The following LRRTM4 variants were observed in gnomAD, a reference collection of about 807,000 sequenced individuals.
LRRTM4 encodes the protein leucine rich repeat transmembrane neuronal 4.
A neutral mutation model predicts 47.6 loss-of-function variants in LRRTM4; 25 were observed. That is an observed-to-expected ratio of 0.53 (90% CI 0.38 to 0.73). The LOEUF (loss-of-function observed/expected upper bound fraction) is 0.73, where lower values mean the gene tolerates loss of function less well. Ranked by LOEUF, LRRTM4 falls within the 30% of genes least tolerant of loss-of-function variation. The probability of loss-of-function intolerance (pLI) is 0.00; values close to 1 mark genes in which losing one functional copy is unlikely to be tolerated. For missense variants in LRRTM4, 638 were observed against 713.4 expected (o/e 0.89, Z 1.20); for synonymous variants, 311 against 269.5 (o/e 1.15, Z -1.51).
chr2:76,773,618 T>C (rs1673811554), intron 3 of LRRTM4, among the ~76,000 whole-genome samples: 1 of 151,630 alleles, frequency 6.6e-6, no homozygotes, highest in South Asian at 2.1e-4. Context: ...CAACTAAAAA[T>C]AAAAAATAAA....
At chr2:77,451,597 A>C (rs982721102) in intron 3 of LRRTM4, among the ~76,000 whole-genome samples, 6 of 152,208 alleles carry the variant, frequency 3.9e-5, no homozygotes, top group African/African-American at 1.2e-4. Flanking sequence ...CTATACTTGT[A>C]ATTCTCTTAA....
At chr2:77,366,878 GC>G (rs1384859102) in intron 3 of LRRTM4, among the ~76,000 whole-genome samples, 3 of 151,664 alleles carry the variant, frequency 2.0e-5, no homozygotes, top group Non-Finnish European at 2.9e-5. Context: ...TGGTCGTTTA[GC>G]CCCCCATCTG....
intron 3 of LRRTM4, among the ~76,000 whole-genome samples, chr2:77,308,024 TTATATATC>T (rs1243825044): frequency 2.1e-5 from 3 of 141,004 alleles, no homozygotes; most frequent in South Asian, 2.2e-4. Context: ...ATATTATATA[TTATATATC>T]TATATATCTA....
intron 3 of LRRTM4, among the ~76,000 whole-genome samples, chr2:77,411,618 A>ATTTTTTTTTTTTTTT (rs1222177148): frequency 1.4e-4 from 9 of 64,812 alleles, no homozygotes; most frequent in East Asian, 4.6e-4. Flanking sequence ...ATGCCCGGCT[A>ATTTTTTTTTTTTTTT]TTTTTTTTTT....
At chr2:77,487,305 G>C (rs1450076881) in intron 3 of LRRTM4, among the ~76,000 whole-genome samples, 1 of 152,208 alleles carries the variant, frequency 6.6e-6, no homozygotes, top group Non-Finnish European at 1.5e-5. Context: ...GCCTCTGCAG[G>C]CTTGAAAGTA....
chr2:77,378,607 G>A (rs1172853159), intron 3 of LRRTM4, among the ~76,000 whole-genome samples: 1 of 152,112 alleles, frequency 6.6e-6, no homozygotes, highest in Non-Finnish European at 1.5e-5. Flanking sequence ...GATACAATCT[G>A]TATTCTTTCA....
chr2:76,939,661 ATAAT>A lies in LRRTM4; in HGVS notation c.1552-190749_1552-190746del, dbSNP rs573202445. 5.1e-3 allele frequency among the ~76,000 whole-genome samples: 778 copies of A among 152,220 alleles called. 4 individuals carry two copies. The highest frequency in any genetic ancestry group is 0.028 in the South Asian group (135 of 4,818). On this transcript the variant is annotated intron_variant, in intron 3 of 3. Coordinates refer to ENST00000409884, the MANE Select transcript of LRRTM4 (RefSeq NM_001134745.3). ...CTTCTCTAATGACTATGCTAAATAA[ATAAT>A]TTTCATCTGACCCCAAATTAGCAGA... is the stretch of plus-strand genomic sequence containing the variant.
intron 3 of LRRTM4, among the ~76,000 whole-genome samples, chr2:77,113,361 T>C (rs756816373): frequency 6.6e-6 from 1 of 152,168 alleles, no homozygotes; most frequent in Non-Finnish European, 1.5e-5. Flanking sequence ...AGTAGGACCA[T>C]ACTGAGTACA....
At chr2:77,289,080 A>G (rs1354860104) in intron 3 of LRRTM4, among the ~76,000 whole-genome samples, 1 of 152,080 alleles carries the variant, frequency 6.6e-6, no homozygotes, top group Non-Finnish European at 1.5e-5. Context: ...TTAAATGTCT[A>G]TATGTATAGC....
intron 3 of LRRTM4, among the ~76,000 whole-genome samples, chr2:77,440,112 T>C (rs17014104): frequency 0.013 from 2,037 of 152,024 alleles, 35 homozygotes; most frequent in African/African-American, 0.047. Flanking sequence ...GGCCAAAGAA[T>C]GTATTAAAAA....
chr2:77,115,635 G>T (rs1671371597), intron 3 of LRRTM4, among the ~76,000 whole-genome samples: 1 of 152,164 alleles, frequency 6.6e-6, no homozygotes, highest in Non-Finnish European at 1.5e-5. Flanking sequence ...GTATAACAAA[G>T]TGGAACTTGG....
intron 3 of LRRTM4, among the ~76,000 whole-genome samples, chr2:77,325,548 C>T (rs918330992): frequency 1.3e-5 from 2 of 152,084 alleles, no homozygotes; most frequent in Admixed American, 6.6e-5. Context: ...TGTGAGAGAA[C>T]GGTCAAGACT....
chr2:77,404,570 A>T (rs1674101042), intron 3 of LRRTM4, among the ~76,000 whole-genome samples: 1 of 152,110 alleles, frequency 6.6e-6, no homozygotes. Context: ...GGACAGGAAA[A>T]TGCTGGGATA....
At chr2:76,969,373 A>T (rs557150492) in intron 3 of LRRTM4, among the ~76,000 whole-genome samples, 25 of 152,036 alleles carry the variant, frequency 1.6e-4, no homozygotes, top group Non-Finnish European at 2.8e-4. Context: ...AAAATTCAAG[A>T]AGTATGAACG....
intron 3 of LRRTM4, among the ~76,000 whole-genome samples, chr2:76,997,531 C>G (rs994922279): frequency 6.6e-6 from 1 of 152,082 alleles, no homozygotes; most frequent in Non-Finnish European, 1.5e-5. Flanking sequence ...TCCACCAAAG[C>G]TCAAACCAGT....
At chr2:76,869,563 A>T (rs7575858) in intron 3 of LRRTM4, among the ~76,000 whole-genome samples, 11,086 of 152,062 alleles carry the variant, frequency 0.073, 1,250 homozygotes, top group African/African-American at 0.24. Flanking sequence ...TGATTTTTTT[A>T]AAAAAAGTCA....
intron 3 of LRRTM4, among the ~76,000 whole-genome samples, chr2:76,945,434 T>C (rs1675290363): frequency 1.3e-5 from 2 of 152,052 alleles, no homozygotes; most frequent in Non-Finnish European, 1.5e-5. Flanking sequence ...TGGGGCAATA[T>C]TGGTGAAAAT....
At chr2:77,231,458 T>C (rs922865370) in intron 3 of LRRTM4, among the ~76,000 whole-genome samples, 9 of 152,302 alleles carry the variant, frequency 5.9e-5, no homozygotes, top group African/African-American at 2.2e-4. Flanking sequence ...TTTTTACAGA[T>C]CTTGGGCTAA....
chr2:77,394,598 G>A (rs1196128782), intron 3 of LRRTM4, among the ~76,000 whole-genome samples: 1 of 151,914 alleles, frequency 6.6e-6, no homozygotes, highest in African/African-American at 2.4e-5. Context: ...GATTTATACC[G>A]AACAGGTTGA....
Sources: allele counts gnomAD v4.1 joint callset (sites outside exome capture counted in the v4.1 genomes callset), GRCh38; gene constraint gnomAD v4.1.1; transcripts MANE v1.5; gene names NCBI Gene and HGNC (gene_info 2026-07-23, HGNC 2026-07-21).